The following SCN8A variants were observed in gnomAD, a reference collection of about 807,000 sequenced individuals.
SCN8A encodes the protein sodium voltage-gated channel alpha subunit 8.
A neutral mutation model predicts 184.1 loss-of-function variants in SCN8A; 30 were observed. That is an observed-to-expected ratio of 0.16 (90% CI 0.12 to 0.22). The LOEUF is 0.22. SCN8A is among the 10% of genes least tolerant of loss of function. The pLI, the probability that SCN8A is intolerant of heterozygous loss-of-function variation, is 1.00. For synonymous variants in SCN8A, 852 were observed against 907.0 expected, an observed-to-expected ratio of 0.94 and a Z score of 1.09; for missense variants, 1,057 against 2,498.9, an observed-to-expected ratio of 0.42 and a Z score of 12.30.
At chr12:51,772,052 T>A (rs1369312906) in intron 19 of SCN8A, among the ~76,000 whole-genome samples, 3 of 152,190 alleles carry the variant, frequency 2.0e-5, no homozygotes, top group African/African-American at 7.2e-5. Flanking sequence ...AAGCAAAGGA[T>A]ATTTGGTTCA....
intron 2 of SCN8A, among the ~76,000 whole-genome samples, chr12:51,667,973 C>T (rs1001662420): frequency 2.0e-5 from 3 of 152,016 alleles, no homozygotes; most frequent in Admixed American, 6.6e-5. Context: ...CACTTGAGGT[C>T]GGGAGTTTGA....
intron 25 of SCN8A, among the ~76,000 whole-genome samples, chr12:51,792,444 A>AT: frequency 6.9e-6 from 1 of 144,298 alleles, no homozygotes; most frequent in Non-Finnish European, 1.5e-5. Flanking sequence ...AAGCTATATC[A>AT]TGCCACTGCA....
At chr12:51,678,194 A>T (rs1478810521) in intron 2 of SCN8A, among the ~76,000 whole-genome samples, 1 of 152,194 alleles carries the variant, frequency 6.6e-6, no homozygotes, top group East Asian at 1.9e-4. Flanking sequence ...ATTCTCCCAT[A>T]TTCACTGTTC....
chr12:51,702,554 G>A (rs1941708952), intron 8 of SCN8A, among the ~76,000 whole-genome samples: 1 of 152,138 alleles, frequency 6.6e-6, no homozygotes, highest in African/African-American at 2.4e-5. Flanking sequence ...CATTTTTAAA[G>A]ACCATGCCAG....
intron 1 of SCN8A, among the ~76,000 whole-genome samples, chr12:51,627,020 C>T (rs1940093749): frequency 6.6e-6 from 1 of 152,056 alleles, no homozygotes; most frequent in African/African-American, 2.4e-5. Context: ...ACTATTGCCT[C>T]TAACAGGCAG....
intron 2 of SCN8A, among the ~76,000 whole-genome samples, chr12:51,672,937 T>C (rs1470470770): frequency 1.3e-5 from 2 of 152,212 alleles, no homozygotes; most frequent in African/African-American, 4.8e-5. Context: ...CAGGTTTCTG[T>C]TCCAGGGATC....
intron 25 of SCN8A, among the ~76,000 whole-genome samples, chr12:51,793,176 G>T (rs1018405261): frequency 6.6e-6 from 1 of 152,214 alleles, no homozygotes; most frequent in Non-Finnish European, 1.5e-5. Flanking sequence ...TGGTGGCTCA[G>T]GTTAGCATAG....
intron 14 of SCN8A, among the ~76,000 whole-genome samples, chr12:51,756,261 A>G (rs1397946881): frequency 1.3e-5 from 2 of 151,636 alleles, no homozygotes; most frequent in African/African-American, 4.9e-5. Context: ...CATTGACTTT[A>G]TCCCAAACTA....
chr12:51,746,060 A>C lies in SCN8A; in HGVS notation c.2131+25A>C, dbSNP rs571996473. 23 of 1,564,578 alleles carry C rather than the reference A, an allele frequency of 1.5e-5. No homozygotes were observed. In the East Asian group the frequency reaches 5.0e-4, roughly 34 times the overall value. ...GGTATGTGCCCTATAATGTCAGTCC[A>C]ACCGCTGAGATATAAATATGTAATG... On this transcript the variant is annotated intron_variant, in intron 13 of 26. Transcript: ENST00000627620.
chr12:51,800,388 A>G (rs1938523243), intron 26 of SCN8A, among the ~76,000 whole-genome samples: 1 of 152,234 alleles, frequency 6.6e-6, no homozygotes, highest in African/African-American at 2.4e-5. Context: ...GGAAAGTTGA[A>G]TGGGGATGTG....
chr12:51,768,457 G>T (rs917389031), intron 16 of SCN8A, among the ~76,000 whole-genome samples: 2 of 151,746 alleles, frequency 1.3e-5, no homozygotes, highest in African/African-American at 4.8e-5. Context: ...TTTTTCTGAC[G>T]TGGGTCCTCT....
intron 12 of SCN8A, among the ~76,000 whole-genome samples, chr12:51,726,118 CATTAGTT>C (rs1213792072): frequency 6.6e-6 from 1 of 152,134 alleles, no homozygotes; most frequent in Non-Finnish European, 1.5e-5. Flanking sequence ...TTTATATCTT[CATTAGTT>C]ATTCAGTTGT....
intron 1 of SCN8A, among the ~76,000 whole-genome samples, chr12:51,636,498 T>C (rs1940321316): frequency 6.6e-6 from 1 of 152,216 alleles, no homozygotes; most frequent in African/African-American, 2.4e-5. Flanking sequence ...ATTTAACTTT[T>C]ATTGCAGAGA....
At chr12:51,772,756 G>A (rs537125071) in intron 19 of SCN8A, among the ~76,000 whole-genome samples, 5 of 149,182 alleles carry the variant, frequency 3.4e-5, no homozygotes, top group African/African-American at 1.0e-4. Flanking sequence ...TGAGGCGGGC[G>A]AATCACGAAG....
intron 1 of SCN8A, among the ~76,000 whole-genome samples, chr12:51,651,139 G>A (rs1208374532): frequency 6.6e-6 from 1 of 152,124 alleles, no homozygotes; most frequent in African/African-American, 2.4e-5. Flanking sequence ...TCTCATTCCC[G>A]TAAACCCACA....
intron 11 of SCN8A, among the ~76,000 whole-genome samples, chr12:51,713,894 G>A (rs1158167142): frequency 6.6e-6 from 1 of 150,728 alleles, no homozygotes; most frequent in Non-Finnish European, 1.5e-5. Context: ...TAAAAATATA[G>A]TAATGATAAA....
At chr12:51,637,791 A>G (rs567524595) in intron 1 of SCN8A, among the ~76,000 whole-genome samples, 1 of 152,362 alleles carries the variant, frequency 6.6e-6, no homozygotes, top group Admixed American at 6.5e-5. Flanking sequence ...AGCTAAGATC[A>G]TTAATTGATG....
intron 1 of SCN8A, among the ~76,000 whole-genome samples, chr12:51,599,425 A>C (rs1444722522): frequency 6.6e-6 from 1 of 152,196 alleles, no homozygotes; most frequent in Admixed American, 6.5e-5. Context: ...TGGGCTTTAC[A>C]GAATGGTTGG....
rs1337210448 is a variant in SCN8A, at chr12:51,812,199, GGTGTGCACATGTGGTGTGTGTGTGT to G, written c.*4776_*4800del. The G allele has an allele frequency of 6.9e-6, 1 of 145,650 alleles. No homozygotes were observed. The highest frequency in any genetic ancestry group is 2.4e-4 in the South Asian group (1 of 4,168). The allele number at this position is 145,650 out of a possible 1,614,324, so 9.0% of individuals were successfully genotyped here. On this transcript the variant is annotated 3_prime_UTR_variant, in exon 27 of 27. Coordinates refer to ENST00000627620, the MANE Select transcript of SCN8A (RefSeq NM_001330260.2). ...GAGGCTAAGTGGGGTGGGGTGGGTG[GGTGTGCACATGTGGTGTGTGTGTGT>G]GTGTGTGAAGAATGTATATAGGTAA...
Sources: gnomAD v4.1 joint callset for allele counts (sites outside exome capture counted in the v4.1 genomes callset) on GRCh38, gnomAD v4.1.1 for gene constraint, MANE v1.5 for transcripts, NCBI Gene and HGNC (gene_info 2026-07-23, HGNC 2026-07-21) for gene names.